The following CDH12 variants were observed in gnomAD, a reference collection of about 807,000 sequenced individuals.
CDH12 encodes cadherin 12.
A neutral mutation model predicts 74.1 loss-of-function variants in CDH12; 41 were observed. The ratio of observed to expected loss-of-function variants is 0.55; its 90% CI spans 0.43 to 0.72. The LOEUF (loss-of-function observed/expected upper bound fraction) is 0.72. Among genes scored for constraint, CDH12 ranks in the 30% least tolerant of loss-of-function variants. The pLI is 0.00. For synonymous variants in CDH12, 399 were observed against 355.0 expected (o/e 1.12, Z -1.39); for missense variants, 945 against 977.2 (o/e 0.97, Z 0.44).
chr5:22,028,700 A>G (rs2150170137), intron 5 of CDH12, among the ~76,000 whole-genome samples: 1 of 152,332 alleles, frequency 6.6e-6, no homozygotes, highest in Admixed American at 6.5e-5. Flanking sequence ...GGTAATTTAT[A>G]GATTCAATGC....
intron 5 of CDH12, among the ~76,000 whole-genome samples, chr5:22,059,066 A>T (rs1477874019): frequency 6.6e-6 from 1 of 152,128 alleles, no homozygotes; most frequent in Non-Finnish European, 1.5e-5. Flanking sequence ...GTAGACAGCT[A>T]TGAAGCTAAG....
At chr5:22,687,156 T>C (rs1741845534) in intron 1 of CDH12, among the ~76,000 whole-genome samples, 1 of 151,944 alleles carries the variant, frequency 6.6e-6, no homozygotes, top group Admixed American at 6.6e-5. Context: ...TAGCTGGGCA[T>C]GATGGCCTGT....
chr5:22,801,029 A>C (rs1232688934), intron 1 of CDH12, among the ~76,000 whole-genome samples: 1 of 152,164 alleles, frequency 6.6e-6, no homozygotes, highest in Non-Finnish European at 1.5e-5. Flanking sequence ...CGTTCTGTGA[A>C]CATAAGCTTT....
intron 6 of CDH12, among the ~76,000 whole-genome samples, chr5:21,963,392 T>C (rs1044547724): frequency 6.6e-6 from 1 of 152,094 alleles, no homozygotes; most frequent in Non-Finnish European, 1.5e-5. Flanking sequence ...AATGAGAGCA[T>C]TAAGCTTTAA....
chr5:21,758,750 A>G (rs1376522140), intron 13 of CDH12, among the ~76,000 whole-genome samples: 1 of 152,154 alleles, frequency 6.6e-6, no homozygotes, highest in Non-Finnish European at 1.5e-5. Flanking sequence ...CAGTGGTAGT[A>G]GAAGAATAAG....
chr5:21,936,737 G>A (rs1354784681), intron 6 of CDH12, among the ~76,000 whole-genome samples: 1 of 152,112 alleles, frequency 6.6e-6, no homozygotes, highest in Non-Finnish European at 1.5e-5. Context: ...CATGGGGAGG[G>A]ACCTGGTGGG....
chr5:22,536,071 A>G (rs971507415), intron 1 of CDH12, among the ~76,000 whole-genome samples: 18 of 152,212 alleles, frequency 1.2e-4, no homozygotes, highest in African/African-American at 4.3e-4. Flanking sequence ...GCTATTTTGT[A>G]TAAGGGACTT....
At chr5:21,872,043 T>TG (rs1189521380) in intron 6 of CDH12, among the ~76,000 whole-genome samples, 1 of 152,174 alleles carries the variant, frequency 6.6e-6, no homozygotes, top group Non-Finnish European at 1.5e-5. Flanking sequence ...ACCTTTAAGA[T>TG]GGACTAGAAA....
chr5:22,691,775 T>A (rs191661122), intron 1 of CDH12, among the ~76,000 whole-genome samples: 13 of 152,274 alleles, frequency 8.5e-5, no homozygotes, highest in East Asian at 1.9e-4. Context: ...CCACACTAAT[T>A]GTCACCCTTT....
At chr5:22,419,283 AT>A (rs1743533143) in intron 2 of CDH12, among the ~76,000 whole-genome samples, 1 of 151,964 alleles carries the variant, frequency 6.6e-6, no homozygotes, top group African/African-American at 2.4e-5. Context: ...TGCATTAGCT[AT>A]TTGTCTTGAT....
chr5:21,995,104 G>A (rs1736202732), intron 5 of CDH12, among the ~76,000 whole-genome samples: 1 of 152,028 alleles, frequency 6.6e-6, no homozygotes, highest in East Asian at 1.9e-4. Context: ...AGACACTCCA[G>A]ACACATCTGA....
chr5:21,993,230 T>A (rs952170499), intron 5 of CDH12, among the ~76,000 whole-genome samples: 1 of 152,100 alleles, frequency 6.6e-6, no homozygotes, highest in African/African-American at 2.4e-5. Context: ...GAATTTTCAA[T>A]TATGACTGAA....
At chr5:22,064,769 C>A (rs1580193115) in intron 5 of CDH12, among the ~76,000 whole-genome samples, 1 of 152,182 alleles carries the variant, frequency 6.6e-6, no homozygotes, top group East Asian at 1.9e-4. Flanking sequence ...ATTTGAATTC[C>A]CAGCTCAAGT....
At chr5:22,582,048 A>T (rs1221770343) in intron 1 of CDH12, among the ~76,000 whole-genome samples, 1 of 151,924 alleles carries the variant, frequency 6.6e-6, no homozygotes, top group Non-Finnish European at 1.5e-5. Context: ...ATTAAAGATT[A>T]AAAAAAACAA....
chr5:22,376,097 C>T (rs1741510723), intron 3 of CDH12, among the ~76,000 whole-genome samples: 1 of 152,104 alleles, frequency 6.6e-6, no homozygotes, highest in Non-Finnish European at 1.5e-5. Flanking sequence ...GGTTCATACA[C>T]ACAATGGAAT....
intron 1 of CDH12, among the ~76,000 whole-genome samples, chr5:22,560,870 T>C (rs1277753831): frequency 6.6e-6 from 1 of 152,202 alleles, no homozygotes; most frequent in Non-Finnish European, 1.5e-5. Context: ...AGATGAATTG[T>C]ATGCTTACTA....
chr5:22,598,133 T>C (rs1359880067), intron 1 of CDH12, among the ~76,000 whole-genome samples: 15 of 152,180 alleles, frequency 9.9e-5, no homozygotes, highest in Admixed American at 9.2e-4. Context: ...TCAGATGATG[T>C]AATGCTGAAG....
In CDH12 at chr5:22,122,412, A is replaced by AAAAC. The variant is rs770552246; in HGVS notation, c.-186-43554_-186-43551dup. Among the ~76,000 whole-genome samples the AAAAC allele has an allele frequency of 7.2e-5, 11 of 152,260 alleles. No individual in the cohort carries two copies. In the South Asian group the frequency reaches 1.0e-3, roughly 14 times the overall value. ...AGTGAGACTCCATCTCACAAAAACA[A>AAAAC]AAACAAACAAACAAACAAACAAAAC... On this transcript the variant is annotated intron_variant, in intron 4 of 14. Coordinates refer to ENST00000382254, the MANE Select transcript of CDH12 (RefSeq NM_004061.5).
At chr5:22,122,535 T>G (rs1399164543) in intron 4 of CDH12, among the ~76,000 whole-genome samples, 1 of 151,890 alleles carries the variant, frequency 6.6e-6, no homozygotes, top group African/African-American at 2.4e-5. Flanking sequence ...TCATTTCTCT[T>G]GCTTTATCTT....
Sources: gnomAD v4.1 joint callset for allele counts (sites outside exome capture counted in the v4.1 genomes callset) on GRCh38, gnomAD v4.1.1 for gene constraint, MANE v1.5 for transcripts, NCBI Gene and HGNC (gene_info 2026-07-23, HGNC 2026-07-21) for gene names.